Variants in SLC27A6 observed in about 807,000 individuals in gnomAD.
SLC27A6 encodes the protein solute carrier family 27 member 6.
In SLC27A6, 74 loss-of-function variants were observed where a neutral mutation model predicts 63.9. That is an observed-to-expected ratio of 1.16 (90% CI 0.96 to 1.40). The LOEUF (loss-of-function observed/expected upper bound fraction) is 1.40, where lower values mean the gene tolerates loss of function less well. Among genes scored for constraint, SLC27A6 ranks in the 40% most tolerant of loss-of-function variants. The pLI is 0.00. For synonymous variants in SLC27A6, 287 were observed against 260.8 expected, an observed-to-expected ratio of 1.10 and a Z score of -0.97; for missense variants, 794 against 732.9, an observed-to-expected ratio of 1.08 and a Z score of -0.96.
intron 4 of SLC27A6, among the ~76,000 whole-genome samples, chr5:129,010,654 A>G (rs1751698034): frequency 6.6e-6 from 1 of 152,182 alleles, no homozygotes; most frequent in Non-Finnish European, 1.5e-5. Context: ...GCTGATAGCC[A>G]GCAAAGAAAA....
chr5:129,005,644 G>A (rs967641549), intron 4 of SLC27A6, among the ~76,000 whole-genome samples: 35 of 117,222 alleles, frequency 3.0e-4, no homozygotes, highest in African/African-American at 1.1e-3. Context: ...ACAGAGTCTC[G>A]CTCTGTCGCT....
At chr5:128,982,986 C>T (rs1750645022) in intron 1 of SLC27A6, among the ~76,000 whole-genome samples, 1 of 152,110 alleles carries the variant, frequency 6.6e-6, no homozygotes, top group Non-Finnish European at 1.5e-5. Flanking sequence ...ACATATTTAT[C>T]TTGCTGCTGC....
At chr5:129,002,380 A>G (rs1023555132) in intron 4 of SLC27A6, among the ~76,000 whole-genome samples, 3 of 152,182 alleles carry the variant, frequency 2.0e-5, no homozygotes, top group Non-Finnish European at 4.4e-5. Context: ...TGGGAACAGG[A>G]TCGGTAAATA....
rs73242065 is a variant in SLC27A6 at position 128,995,292 on chromosome 5, G to A, written c.969+4828G>A. On this transcript the variant is annotated intron_variant, in intron 4 of 9. Coordinates refer to ENST00000262462, the MANE Select transcript of SLC27A6 (RefSeq NM_001017372.3). Reference sequence around the variant, plus strand: ...TAGCCATATCTAGGGATATATCTAGGGATAGACCATATATGTAACATATTC... The same window carrying A: ...TAGCCATATCTAGGGATATATCTAGAGATAGACCATATATGTAACATATTC... Among the ~76,000 whole-genome samples the A allele has an allele frequency of 3.1e-3, 479 of 152,096 alleles. 1 individual carries two copies. The highest frequency in any genetic ancestry group is 0.011 in the African/African-American group (457 of 41,500).
intron 1 of SLC27A6, among the ~76,000 whole-genome samples, chr5:128,978,535 T>A (rs1364386552): frequency 6.6e-6 from 1 of 152,208 alleles, no homozygotes; most frequent in Non-Finnish European, 1.5e-5. Flanking sequence ...TTCCTTTGGC[T>A]TATTCCTAAA....
chr5:128,998,777 A>G (rs1270645122), intron 4 of SLC27A6, among the ~76,000 whole-genome samples: 2 of 152,194 alleles, frequency 1.3e-5, no homozygotes, highest in African/African-American at 2.4e-5. Context: ...CTTCCTTGCT[A>G]TGAACACATA....
At chr5:128,974,110 G>A (rs2577434) in intron 1 of SLC27A6, among the ~76,000 whole-genome samples, 91,059 of 152,010 alleles carry the variant, frequency 0.6, 27,712 homozygotes, top group Non-Finnish European at 0.66. Flanking sequence ...TGAGAGATTC[G>A]TCTTAAAGTA....
At chr5:128,967,825 G>T (rs1749968322) in intron 1 of SLC27A6, among the ~76,000 whole-genome samples, 3 of 151,940 alleles carry the variant, frequency 2.0e-5, no homozygotes, top group African/African-American at 7.3e-5. Flanking sequence ...GGTTTGTTAT[G>T]TATGTATACA....
At chr5:129,024,828 G>A (rs2150154311) in intron 6 of SLC27A6, among the ~76,000 whole-genome samples, 1 of 152,210 alleles carries the variant, frequency 6.6e-6, no homozygotes, top group East Asian at 1.9e-4. Flanking sequence ...CAAATGTGAA[G>A]ATAAGGTGAC....
intron 4 of SLC27A6, among the ~76,000 whole-genome samples, chr5:129,002,874 C>T (rs372199015): frequency 2.0e-5 from 3 of 152,170 alleles, no homozygotes; most frequent in African/African-American, 4.8e-5. Flanking sequence ...CTCTTTGTTT[C>T]GCCTGACCTG....
intron 4 of SLC27A6, among the ~76,000 whole-genome samples, chr5:128,999,274 G>A (rs746872856): frequency 3.9e-5 from 6 of 152,074 alleles, no homozygotes; most frequent in Admixed American, 6.6e-5. Context: ...CAGCCTTCCA[G>A]GACCAGAACT....
chr5:129,028,319 A>G (rs767185874), intron 7 of SLC27A6, 26 bp from the exon 8 acceptor site: 1 of 1,503,956 alleles, frequency 6.6e-7, no homozygotes, highest in Non-Finnish European at 9.3e-7. Flanking sequence ...AGGTGCACTA[A>G]CTGGAATTTG....
chr5:129,025,826 G>A (rs1214128615), intron 6 of SLC27A6, among the ~76,000 whole-genome samples: 2 of 152,094 alleles, frequency 1.3e-5, no homozygotes, highest in African/African-American at 4.8e-5. Context: ...CCAGGAGTGG[G>A]AGAAATGGGA....
chr5:129,007,998 G>A lies in SLC27A6; in HGVS notation c.970-7887G>A, dbSNP rs1751600314. On this transcript the variant is annotated intron_variant, in intron 4 of 9. Coordinates refer to ENST00000262462, the MANE Select transcript of SLC27A6 (RefSeq NM_001017372.3). ...TTAGAATATATGGCCATATTATGGTGATTATAACTTTTAATGTATATATAG... is the reference window on the plus strand; with the variant it reads ...TTAGAATATATGGCCATATTATGGTAATTATAACTTTTAATGTATATATAG... Among the ~76,000 whole-genome samples, 3 of 151,820 alleles carry A rather than the reference G, an allele frequency of 2.0e-5. No individual in the cohort carries two copies. In the South Asian group the frequency reaches 6.2e-4, roughly 31 times the overall value.
At chr5:129,002,500 C>T (rs1010862051) in intron 4 of SLC27A6, among the ~76,000 whole-genome samples, 2 of 150,522 alleles carry the variant, frequency 1.3e-5, no homozygotes, top group Non-Finnish European at 2.9e-5. Context: ...TTCCTTCCCT[C>T]TCTCGTTCCC....
chr5:128,993,848 C>T (rs977244058), intron 4 of SLC27A6, among the ~76,000 whole-genome samples: 1 of 140,412 alleles, frequency 7.1e-6, no homozygotes, highest in African/African-American at 2.6e-5. Context: ...TGGTTCACGC[C>T]TGTAATCCCA....
At chr5:129,021,853 T>A (rs1390828395) in intron 5 of SLC27A6, among the ~76,000 whole-genome samples, 2 of 152,196 alleles carry the variant, frequency 1.3e-5, no homozygotes, top group Admixed American at 6.6e-5. Flanking sequence ...CCCCTTTTTC[T>A]GATAACAGAC....
Position 128,988,580 on chromosome 5 carries a change from GTTCTT to G in SLC27A6, c.686-9_686-5del, listed in dbSNP as rs774556847. 7.6e-5 allele frequency: 122 copies of G among 1,607,960 alleles called. 1 individual carries two copies. The highest frequency in any genetic ancestry group is 6.6e-4 in the Middle Eastern group (4 of 6,032). ...ATGTATGTGTGTATATATATTTCCT[GTTCTT>G]TTCTTTTCTTCCAGGTCTACCAAAA... On this transcript the variant is annotated splice_polypyrimidine_tract_variant and intron_variant, in intron 2 of 9. Coordinates refer to ENST00000262462, the MANE Select transcript of SLC27A6 (RefSeq NM_001017372.3).
At chr5:128,999,428 C>T (rs958546077) in intron 4 of SLC27A6, among the ~76,000 whole-genome samples, 18 of 152,062 alleles carry the variant, frequency 1.2e-4, no homozygotes, top group African/African-American at 4.1e-4. Context: ...CACTCTCAAA[C>T]CTTTACTCTT....
Sources: allele counts gnomAD v4.1 joint callset (sites outside exome capture counted in the v4.1 genomes callset), GRCh38; gene constraint gnomAD v4.1.1; transcripts MANE v1.5; gene names NCBI Gene and HGNC (gene_info 2026-07-23, HGNC 2026-07-21).